The following ADAM19 variants were observed in gnomAD, a reference collection of about 807,000 sequenced individuals.
ADAM19 encodes the protein ADAM metallopeptidase domain 19.
In ADAM19, 65 loss-of-function variants were observed where a neutral mutation model predicts 114.7. The ratio of observed to expected loss-of-function variants is 0.57; its 90% CI spans 0.46 to 0.70. The LOEUF (loss-of-function observed/expected upper bound fraction) is 0.70, where lower values mean the gene tolerates loss of function less well. ADAM19 is among the 30% of genes least tolerant of loss of function. The pLI is 0.00. For synonymous variants in ADAM19, 466 were observed against 460.5 expected (o/e 1.01, Z -0.15); for missense variants, 1,063 against 1,204.7 (o/e 0.88, Z 1.74).
intron 12 of ADAM19, 39 bp downstream of exon 12, chr5:157,502,762 CAA>C: frequency 6.3e-7 from 1 of 1,596,812 alleles, no homozygotes; most frequent in Non-Finnish European, 8.6e-7. Context: ...GAAACCAATG[CAA>C]ATTCTTCCCC....
intron 4 of ADAM19, among the ~76,000 whole-genome samples, 158 bp from the exon 5 acceptor site, chr5:157,531,041 A>G (rs947807139): frequency 1.8e-4 from 28 of 152,200 alleles, no homozygotes; most frequent in African/African-American, 6.5e-4. Flanking sequence ...CCACCATTTC[A>G]TCTGATTCCC....
chr5:157,561,926 T>TAA lies in ADAM19; in HGVS notation c.251+2445_251+2446dup, dbSNP rs771902380. Among the ~76,000 whole-genome samples, 177 of 141,270 alleles carry TAA rather than the reference T, an allele frequency of 1.3e-3. 3 individuals carry two copies. Among genetic ancestry groups the TAA allele is most frequent in the African/African-American group, 4.3e-3 (163 of 38,328 alleles). 92.7% of individuals were successfully genotyped at this position (141,270 alleles called of 152,430 possible). On this transcript the variant is annotated intron_variant, in intron 3 of 22. Transcript: ENST00000257527. The stretch of plus-strand genomic sequence containing the variant: ...TGAAATGTCACAGAGGCACGTAGAT[T>TAA]AAAAAAAAAAAAAAATGAATACGTT...
chr5:157,544,440 G>A (rs1402370973), intron 3 of ADAM19, among the ~76,000 whole-genome samples: 3 of 152,204 alleles, frequency 2.0e-5, no homozygotes, highest in Non-Finnish European at 4.4e-5. Context: ...CTGGTCCTGT[G>A]TTTTGCTTTT....
chr5:157,485,768 C>T (rs1187090452), intron 21 of ADAM19, among the ~76,000 whole-genome samples: 1 of 152,200 alleles, frequency 6.6e-6, no homozygotes, highest in Non-Finnish European at 1.5e-5. Context: ...AAGTCCTGTT[C>T]CTCCTTCATG....
intron 4 of ADAM19, among the ~76,000 whole-genome samples, chr5:157,531,702 G>A (rs1756629840): frequency 6.6e-6 from 1 of 151,560 alleles, no homozygotes; most frequent in Admixed American, 6.6e-5. Flanking sequence ...ATGGTGTCAT[G>A]CTGAATTAGA....
chr5:157,501,981 C>G (rs1159732310), intron 12 of ADAM19, among the ~76,000 whole-genome samples: 1 of 152,164 alleles, frequency 6.6e-6, no homozygotes, highest in African/African-American at 2.4e-5. Flanking sequence ...CGCTTGAACC[C>G]TGGAGGTGGA....
rs920127643 is a variant in ADAM19, at chr5:157,479,758, G to C, written c.*1191C>G. The C allele has an allele frequency of 1.1e-5, 11 of 985,520 alleles. No homozygotes were observed. The highest frequency in any genetic ancestry group is 1.7e-5 in the African/African-American group (1 of 57,222). The allele number at this position is 985,520 out of a possible 1,614,324, so 61.0% of individuals were successfully genotyped here. A position where few individuals can be genotyped will look rare whatever the true frequency, so the allele number is the denominator to read the frequency against. The stretch of plus-strand genomic sequence containing the variant: ...GCTGGCTGCCTTCTCCAGTGATCTC[G>C]GGCAGCTCCCAGAAATGGGTCTGTT... On this transcript the variant is annotated 3_prime_UTR_variant, in exon 23 of 23. Transcript: ENST00000257527.
At chr5:157,563,840 T>G (rs1757579889) in intron 3 of ADAM19, among the ~76,000 whole-genome samples, 1 of 152,072 alleles carries the variant, frequency 6.6e-6, no homozygotes, top group Non-Finnish European at 1.5e-5. Flanking sequence ...ATGAATGAGG[T>G]TAAGAAGATG....
chr5:157,567,328 T>C (rs1757691573), intron 2 of ADAM19, among the ~76,000 whole-genome samples: 1 of 152,216 alleles, frequency 6.6e-6, no homozygotes. Flanking sequence ...GCTGGGGAGA[T>C]GTTTGACCAA....
intron 2 of ADAM19, among the ~76,000 whole-genome samples, chr5:157,567,141 C>T (rs954769849): frequency 6.6e-6 from 1 of 152,184 alleles, no homozygotes; most frequent in Non-Finnish European, 1.5e-5. Context: ...TCCCCTTCCT[C>T]GCTGCAAACC....
At chr5:157,563,087 G>C (rs1365116586) in intron 3 of ADAM19, among the ~76,000 whole-genome samples, 2 of 152,196 alleles carry the variant, frequency 1.3e-5, no homozygotes, top group Non-Finnish European at 2.9e-5. Flanking sequence ...GCCTTTTCTT[G>C]TAGGACCAAA....
At chr5:157,552,175 A>T (rs1757217870) in intron 3 of ADAM19, among the ~76,000 whole-genome samples, 1 of 152,042 alleles carries the variant, frequency 6.6e-6, no homozygotes, top group Non-Finnish European at 1.5e-5. Flanking sequence ...AGCAAAACAA[A>T]AAAAACCGCA....
In ADAM19 at chr5:157,493,115, G is replaced by T. The variant is rs780699401; in HGVS notation, c.1766C>A (p.Ala589Glu). The T allele has an allele frequency of 1.2e-6, 2 of 1,614,124 alleles. No individual in the cohort carries two copies. Among genetic ancestry groups the T allele is most frequent in the Non-Finnish European group, 1.7e-6 (2 of 1,180,058 alleles). Residue 589 changes from alanine to glutamate, a missense_variant, in exon 16 of 23, where the codon GCG becomes GAG. Transcript: ENST00000257527. ...SSEARPLESNAVPIDTTIIMN... is the reference protein window; with the variant it reads ...SSEARPLESNEVPIDTTIIMN... ...GATGATAGTGGTGTCAATGGGCACC[G>T]CGTTGGACTCCAGGGGCCGGGCCTC...
intron 21 of ADAM19, 50 bp downstream of exon 21, chr5:157,488,215 T>C (rs1390426986): frequency 1.9e-6 from 3 of 1,560,476 alleles, no homozygotes; most frequent in East Asian, 2.3e-5. Flanking sequence ...CCATTGAAAG[T>C]GGCCTTAAAA....
At chr5:157,540,482 A>G (rs1307291538) in intron 3 of ADAM19, among the ~76,000 whole-genome samples, 1 of 152,180 alleles carries the variant, frequency 6.6e-6, no homozygotes, top group African/African-American at 2.4e-5. Flanking sequence ...TCATTCACCC[A>G]GTGACATTAC....
At chr5:157,526,912 C>T (rs561442999) in intron 5 of ADAM19, among the ~76,000 whole-genome samples, 84 of 152,228 alleles carry the variant, frequency 5.5e-4, no homozygotes, top group Non-Finnish European at 1.0e-3. Context: ...TGAGCCACCG[C>T]GCCTGGCCTA....
At chr5:157,481,475 C>T (rs1413454332) in intron 22 of ADAM19, 11 of 870,734 alleles carry the variant, frequency 1.3e-5, no homozygotes, top group Non-Finnish European at 1.7e-5. Context: ...GCTGGTACTA[C>T]TGCTCATCAT....
intron 3 of ADAM19, among the ~76,000 whole-genome samples, chr5:157,543,368 A>G (rs1232647996): frequency 3.3e-5 from 5 of 152,224 alleles, no homozygotes; most frequent in Non-Finnish European, 5.9e-5. Flanking sequence ...CAAATGAGAA[A>G]ATACATTCAA....
chr5:157,482,735 T>C (rs1482452335), intron 21 of ADAM19, among the ~76,000 whole-genome samples: 1 of 152,234 alleles, frequency 6.6e-6, no homozygotes, highest in Non-Finnish European at 1.5e-5. Flanking sequence ...TAAATCATTC[T>C]ACTATAAAGA....
Sources: gnomAD v4.1 joint callset for allele counts (sites outside exome capture counted in the v4.1 genomes callset) on GRCh38, gnomAD v4.1.1 for gene constraint, MANE v1.5 for transcripts, NCBI Gene and HGNC (gene_info 2026-07-23, HGNC 2026-07-21) for gene names.